DENND2C: variants seen among roughly 807,000 people sequenced by gnomAD.
The protein encoded by DENND2C is DENN domain-containing protein 2C.
DENND2C carries 72 observed loss-of-function variants against 112.4 expected under a neutral mutation model. That is an observed-to-expected ratio of 0.64 (90% CI 0.53 to 0.78). DENND2C has a LOEUF of 0.78. Ranked by LOEUF, DENND2C falls within the 30% of genes least tolerant of loss-of-function variation. The pLI, the probability that DENND2C is intolerant of heterozygous loss-of-function variation, is 0.00. For synonymous variants in DENND2C, 329 were observed against 381.6 expected (o/e 0.86, Z 1.61); for missense variants, 992 against 1,113.8 (o/e 0.89, Z 1.56).
At chr1:114,614,179 C>T (rs1010430613) in intron 8 of DENND2C, among the ~76,000 whole-genome samples, 4 of 150,818 alleles carry the variant, frequency 2.7e-5, no homozygotes, top group Non-Finnish European at 5.9e-5. Context: ...CTGCAGTGAG[C>T]CATGTTTGCA....
Position 114,625,682 on chromosome 1 carries a change from T to G in DENND2C, c.303A>C (p.Glu101Asp), listed in dbSNP as rs148237625. The change falls in exon 4 of 21, where the codon GAA (glutamate) becomes GAC (aspartate). Residue 101 changes from glutamate to aspartate, a missense_variant. Physicochemically the swap from Glu to Asp is conservative, Grantham distance 45. This residue lies in a region of DENND2C where 470 missense variants were observed against 472.7 expected (regional missense o/e 0.99). Transcript: ENST00000393274. ...DQSENENKKH[E>D]YDDTHFFKNE... ...TTTTAAAGAAGTGTGTATCGTCATA[T>G]TCATGTTTCTTATTTTCATTCTCAC... The G allele has an allele frequency of 1.5e-4, 248 of 1,614,004 alleles. No individual in the cohort carries two copies. The highest frequency in any genetic ancestry group is 2.1e-4 in the Non-Finnish European group (245 of 1,180,010).
Position 114,645,520 on chromosome 1 carries a change from C to T in DENND2C, c.-277G>A, listed in dbSNP as rs1656956657. 6.6e-6 allele frequency: 1 copy of T among 152,142 alleles called. No homozygotes were observed. Among genetic ancestry groups the T allele is most frequent in the African/African-American group, 2.4e-5 (1 of 41,438 alleles). The allele number at this position is 152,142 out of a possible 1,614,324, so 9.4% of individuals were successfully genotyped here. A position where few individuals can be genotyped will look rare whatever the true frequency, so the allele number is the denominator to read the frequency against. ...GAATATCAATCTCTGGCGTTTGAAC[C>T]ACTCAATCTGCGGTATTTGGTTATG... On this transcript the variant is annotated 5_prime_UTR_variant, in exon 3 of 21. Transcript: ENST00000393274.
chr1:114,636,414 C>G (rs1189302235), intron 3 of DENND2C, among the ~76,000 whole-genome samples: 1 of 152,160 alleles, frequency 6.6e-6, no homozygotes, highest in Non-Finnish European at 1.5e-5. Context: ...GCCTGTAATC[C>G]TAACACTTTG....
At chr1:114,640,314 A>G (rs192736346) in intron 3 of DENND2C, among the ~76,000 whole-genome samples, 1 of 152,312 alleles carries the variant, frequency 6.6e-6, no homozygotes, top group East Asian at 1.9e-4. Context: ...TCAGTTCATG[A>G]AAGTTTATTT....
rs115252986 is a variant in DENND2C, at chr1:114,591,186, T to C, written c.2432-3234A>G. Among the ~76,000 whole-genome samples, 1,081 of 152,326 alleles carry C rather than the reference T, an allele frequency of 7.1e-3. 10 individuals carry two copies. The highest frequency in any genetic ancestry group is 0.025 in the African/African-American group (1,054 of 41,570). On this transcript the variant is annotated intron_variant, in intron 18 of 20. Transcript: ENST00000393274. ...TCTTGCTGTGTTACACAGGCTCGTCTTGAACTCCTGGGCTCAAGTGATTCT... is the reference window on the plus strand; with the variant it reads ...TCTTGCTGTGTTACACAGGCTCGTCCTGAACTCCTGGGCTCAAGTGATTCT...
intron 4 of DENND2C, among the ~76,000 whole-genome samples, chr1:114,623,876 A>G (rs1433618074): frequency 6.6e-6 from 1 of 152,098 alleles, no homozygotes; most frequent in East Asian, 1.9e-4. Flanking sequence ...ACCTGGGATT[A>G]GAGGCGCGTG....
At chr1:114,602,289 T>TCA (rs2101649260) in intron 11 of DENND2C, 95 bp from the exon 12 acceptor site, 1 of 1,265,922 alleles carries the variant, frequency 7.9e-7, no homozygotes, top group Non-Finnish European at 1.1e-6. Flanking sequence ...CCAACAGTAG[T>TCA]CATTTTGTGA....
intron 1 of DENND2C, among the ~76,000 whole-genome samples, chr1:114,669,292 A>G (rs1459879512): frequency 6.6e-6 from 1 of 152,162 alleles, no homozygotes; most frequent in African/African-American, 2.4e-5. Flanking sequence ...ATAGGCATGA[A>G]CTTGCCAGTT....
chr1:114,669,048 G>C (rs1003718126), intron 1 of DENND2C, among the ~76,000 whole-genome samples: 14 of 152,166 alleles, frequency 9.2e-5, no homozygotes, highest in Admixed American at 2.6e-4. Context: ...AACAATGGGG[G>C]TCACTTTGTG....
chr1:114,666,513 G>A (rs1657652374), intron 1 of DENND2C, among the ~76,000 whole-genome samples: 1 of 151,968 alleles, frequency 6.6e-6, no homozygotes, highest in South Asian at 2.1e-4. Flanking sequence ...TGGAGTGCAG[G>A]TGCACGACCT....
At chr1:114,640,748 CAA>C (rs1656814691) in intron 3 of DENND2C, among the ~76,000 whole-genome samples, 1 of 152,174 alleles carries the variant, frequency 6.6e-6, no homozygotes, top group Non-Finnish European at 1.5e-5. Flanking sequence ...CAACACAGAA[CAA>C]AGTCAGTCTC....
chr1:114,603,156 T>C (rs1461353642), intron 11 of DENND2C, among the ~76,000 whole-genome samples: 2 of 136,422 alleles, frequency 1.5e-5, no homozygotes, highest in Middle Eastern at 3.8e-3. Context: ...TTTTTTTTTT[T>C]CTGAGACGGA....
At chr1:114,636,629 G>T (rs1489609314) in intron 3 of DENND2C, among the ~76,000 whole-genome samples, 1 of 152,050 alleles carries the variant, frequency 6.6e-6, no homozygotes, top group African/African-American at 2.4e-5. Flanking sequence ...AGCAGATCTC[G>T]TCATTCCAGC....
At chr1:114,653,046 C>T (rs932992056) in intron 2 of DENND2C, among the ~76,000 whole-genome samples, 4 of 151,934 alleles carry the variant, frequency 2.6e-5, no homozygotes, top group African/African-American at 7.3e-5. Flanking sequence ...GTGCAAAATC[C>T]ATGGATACAG....
At chr1:114,641,396 T>C (rs987619208) in intron 3 of DENND2C, among the ~76,000 whole-genome samples, 6 of 152,182 alleles carry the variant, frequency 3.9e-5, no homozygotes, top group African/African-American at 1.4e-4. Flanking sequence ...AATCTCATGC[T>C]GAAATCTGAT....
At position 114,608,775 on chromosome 1, in the gene DENND2C, G is replaced by A. The variant is rs1302158144; in HGVS notation, c.1468C>T (p.Leu490=). The A allele has an allele frequency of 6.2e-7, 1 of 1,614,240 alleles. No individual in the cohort carries two copies. Among genetic ancestry groups the A allele is most frequent in the South Asian group, 1.1e-5 (1 of 91,086 alleles). Residue 490 remains leucine (L), a synonymous_variant, in exon 10 of 21, where the codon CTG becomes TTG. Transcript: ENST00000393274. ...GACACCACCACAAAAAGTTCAAACA[G>A]CTGCTGCTCCTGTAATTCAATAAGA... ...RDLIELQEQQ[L]FELFVVVSLQ...
chr1:114,632,248 A>G (rs1656511237), intron 3 of DENND2C, among the ~76,000 whole-genome samples: 1 of 152,166 alleles, frequency 6.6e-6, no homozygotes, highest in South Asian at 2.1e-4. Context: ...TATTTCAAGT[A>G]ATAACAGATG....
intron 16 of DENND2C, among the ~76,000 whole-genome samples, chr1:114,598,864 T>A (rs1232138252): frequency 6.6e-6 from 1 of 152,080 alleles, no homozygotes; most frequent in Non-Finnish European, 1.5e-5. Context: ...GTCTTTTTAG[T>A]AGAGATGGAG....
At chr1:114,646,104 T>C (rs1656979656) in intron 2 of DENND2C, among the ~76,000 whole-genome samples, 1 of 152,050 alleles carries the variant, frequency 6.6e-6, no homozygotes, top group African/African-American at 2.4e-5. Context: ...TTTTTTTGTA[T>C]TTTTAGTAGA....
Sources: allele counts gnomAD v4.1 joint callset (sites outside exome capture counted in the v4.1 genomes callset), GRCh38; gene constraint gnomAD v4.1.1; regional missense constraint gnomAD v4.1.1; transcripts MANE v1.5; gene names NCBI Gene and HGNC (gene_info 2026-07-23, HGNC 2026-07-21).